LMNB1: variants seen among roughly 807,000 people sequenced by gnomAD.
LMNB1 encodes the protein lamin-B1.
In LMNB1, 23 loss-of-function variants were observed where a neutral mutation model predicts 67.1. The ratio of observed to expected loss-of-function variants is 0.34; its 90% CI spans 0.25 to 0.49. The LOEUF (loss-of-function observed/expected upper bound fraction) is 0.49. Ranked by LOEUF, LMNB1 falls within the 20% of genes least tolerant of loss-of-function variation. LMNB1 has a pLI of 0.99. For missense variants in LMNB1, 634 were observed against 746.5 expected (o/e 0.85, Z 1.76); for synonymous variants, 281 against 282.9 (o/e 0.99, Z 0.07).
intron 9 of LMNB1, among the ~76,000 whole-genome samples, chr5:126,831,847 G>T (rs1390239311): frequency 6.6e-6 from 1 of 152,198 alleles, no homozygotes; most frequent in Non-Finnish European, 1.5e-5. Context: ...TTTCGAATTG[G>T]ATAGTACTTC....
rs1752257618 is a variant in LMNB1 at position 126,836,741 on chromosome 5, A to G, written c.*477A>G. The G allele has an allele frequency of 2.5e-6, 1 of 393,046 alleles. No homozygotes were observed. Among genetic ancestry groups the G allele is most frequent in the Non-Finnish European group, 4.5e-6 (1 of 223,358 alleles). 24.3% of individuals were successfully genotyped at this position (393,046 alleles called of 1,614,324 possible). On this transcript the variant is annotated 3_prime_UTR_variant, in exon 11 of 11. Coordinates refer to ENST00000261366, the MANE Select transcript of LMNB1 (RefSeq NM_005573.4). ...CTTTTGTACTGAATTTTTTTGTAATAAGCAATCAAGGTTATAATTTTTTTT... is the reference window on the plus strand; with the variant it reads ...CTTTTGTACTGAATTTTTTTGTAATGAGCAATCAAGGTTATAATTTTTTTT...
chr5:126,830,206 T>C (rs2126738718), intron 9 of LMNB1, among the ~76,000 whole-genome samples: 1 of 152,342 alleles, frequency 6.6e-6, no homozygotes, highest in Non-Finnish European at 1.5e-5. Context: ...TGTGCAGTGA[T>C]GAGCAGCATC....
chr5:126,821,047 C>A lies in LMNB1; in HGVS notation c.1298C>A (p.Ser433Tyr). The change falls in exon 7 of 11, where the codon TCT becomes TAT. Residue 433 changes from serine to tyrosine, a missense_variant. Transcript: ENST00000261366. ...GAGGCGAGTAGTAGTGTTAGCATCT[C>A]TCATTCCGCCTCAGCCACTGGAAAT... The part of the protein sequence containing the change: ...ESEASSSVSI[S>Y]HSASATGNVC... 6.2e-7 allele frequency: 1 copy of A among 1,614,026 alleles called. No homozygotes were observed. The highest frequency in any genetic ancestry group is 8.5e-7 in the Non-Finnish European group (1 of 1,179,954).
At chr5:126,778,308 G>C (rs1455747561) in intron 1 of LMNB1, among the ~76,000 whole-genome samples, 1 of 152,146 alleles carries the variant, frequency 6.6e-6, no homozygotes, top group African/African-American at 2.4e-5. Flanking sequence ...GATTTGCAGT[G>C]CCGGGATGGG....
intron 4 of LMNB1, 163 bp from the exon 5 acceptor site, chr5:126,811,610 T>G (rs1226057859): frequency 3.8e-6 from 2 of 520,218 alleles, no homozygotes; most frequent in Admixed American, 6.6e-5. Context: ...TCACACAGAA[T>G]TACCATCATT....
chr5:126,785,462 T>TTTTTTC (rs1561734457), intron 1 of LMNB1, among the ~76,000 whole-genome samples: 2 of 150,338 alleles, frequency 1.3e-5, no homozygotes, highest in South Asian at 2.1e-4. Flanking sequence ...GGCTAATTTT[T>TTTTTTC]TTTTTCTTTT....
chr5:126,811,920 A>G (rs1360012717), intron 5 of LMNB1, 22 bp downstream of exon 5: 1 of 1,601,122 alleles, frequency 6.2e-7, no homozygotes, highest in African/African-American at 1.3e-5. Flanking sequence ...TCTTTCTGTA[A>G]GAAGTTAGAC....
chr5:126,785,611 C>T (rs902304935), intron 1 of LMNB1, among the ~76,000 whole-genome samples: 3 of 151,808 alleles, frequency 2.0e-5, no homozygotes, highest in African/African-American at 4.8e-5. Context: ...GTGTGAGCCA[C>T]GGTGCCAGGC....
At chr5:126,787,524 G>GTA (rs1179342923) in intron 1 of LMNB1, among the ~76,000 whole-genome samples, 1,582 of 87,428 alleles carry the variant, frequency 0.018, 78 homozygotes, top group East Asian at 0.045. Context: ...GTGTGTGGGG[G>GTA]TATATATATA....
chr5:126,786,659 A>G (rs1750792721), intron 1 of LMNB1, among the ~76,000 whole-genome samples: 1 of 152,210 alleles, frequency 6.6e-6, no homozygotes, highest in African/African-American at 2.4e-5. Flanking sequence ...GAGCATCATT[A>G]TCTGTGGTTG....
chr5:126,828,450 C>T (rs780962651), intron 9 of LMNB1, among the ~76,000 whole-genome samples: 8 of 152,114 alleles, frequency 5.3e-5, no homozygotes, highest in Non-Finnish European at 1.0e-4. Flanking sequence ...ACATGGGATG[C>T]ATCTTCAGAC....
intron 10 of LMNB1, among the ~76,000 whole-genome samples, chr5:126,835,675 TG>T (rs1326775445): frequency 2.0e-5 from 3 of 152,256 alleles, no homozygotes; most frequent in African/African-American, 7.2e-5. Flanking sequence ...CTTATTTGAT[TG>T]ATCAAGGGAC....
intron 8 of LMNB1, among the ~76,000 whole-genome samples, chr5:126,823,939 T>G (rs985950502): frequency 6.6e-6 from 1 of 152,194 alleles, no homozygotes; most frequent in African/African-American, 2.4e-5. Context: ...ATCTGACATT[T>G]TAGTTCAGAG....
chr5:126,818,874 A>G, intron 5 of LMNB1, 48 bp from the exon 6 acceptor site: 1 of 1,289,060 alleles, frequency 7.8e-7, no homozygotes, highest in Non-Finnish European at 1.1e-6. Flanking sequence ...GCCTGGTGCT[A>G]ATGTTGGAAT....
intron 4 of LMNB1, 119 bp from the exon 5 acceptor site, chr5:126,811,654 C>T (rs1466531619): frequency 1.6e-5 from 13 of 827,268 alleles, no homozygotes; most frequent in Middle Eastern, 3.6e-4. Context: ...GATGCTTTTC[C>T]TGTGTTTCAT....
At chr5:126,829,547 G>A (rs190355945) in intron 9 of LMNB1, among the ~76,000 whole-genome samples, 129 of 151,512 alleles carry the variant, frequency 8.5e-4, no homozygotes, top group African/African-American at 2.8e-3. Flanking sequence ...TTCTCTCCTC[G>A]TTCCTGACAG....
chr5:126,807,853 G>GTGTTGT (rs1554114269), intron 3 of LMNB1, among the ~76,000 whole-genome samples: 1 of 145,348 alleles, frequency 6.9e-6, no homozygotes, highest in Non-Finnish European at 1.5e-5. Flanking sequence ...GTCCTCTTCA[G>GTGTTGT]TTTTGTTTTT....
intron 5 of LMNB1, among the ~76,000 whole-genome samples, chr5:126,813,943 TG>T (rs1208661536): frequency 7.9e-5 from 12 of 152,216 alleles, no homozygotes; most frequent in Non-Finnish European, 1.6e-4. Context: ...TTGCCCAGGC[TG>T]TAGTGCAATG....
chr5:126,777,561 C>A lies in LMNB1; in HGVS notation c.53C>A (p.Pro18His), dbSNP rs745450602. The change falls in exon 1 of 11, where the codon CCC (proline) becomes CAC (histidine). Residue 18 changes from proline (P) to histidine (H), a missense_variant. Coordinates refer to ENST00000261366, the MANE Select transcript of LMNB1 (RefSeq NM_005573.4). ...CGGATGGGCAGCCGCGCTGGCGGCC[C>A]CACCACGCCGCTGAGCCCCACGCGC... ...PPRMGSRAGGPTTPLSPTRLS... is the reference protein window; with the variant it reads ...PPRMGSRAGGHTTPLSPTRLS... 1 of 1,466,950 alleles carries A rather than the reference C, an allele frequency of 6.8e-7. No individual in the cohort carries two copies. Among genetic ancestry groups the A allele is most frequent in the South Asian group, 1.3e-5 (1 of 75,196 alleles). The allele number at this position is 1,466,950 out of a possible 1,614,324, so 90.9% of individuals were successfully genotyped here.
Sources: allele counts gnomAD v4.1 joint callset (sites outside exome capture counted in the v4.1 genomes callset), GRCh38; gene constraint gnomAD v4.1.1; transcripts MANE v1.5; gene names NCBI Gene and HGNC (gene_info 2026-07-23, HGNC 2026-07-21).